The following DCC variants were observed in gnomAD, a reference collection of about 807,000 sequenced individuals.
The protein encoded by DCC is netrin receptor DCC.
DCC carries 58 observed loss-of-function variants against 172.5 expected under a neutral mutation model. The ratio of observed to expected loss-of-function variants is 0.34; its 90% confidence interval spans 0.27 to 0.42. DCC has a LOEUF of 0.42. Ranked by LOEUF, DCC falls within the 10% of genes least tolerant of loss-of-function variation. The pLI, the probability that DCC is intolerant of heterozygous loss-of-function variation, is 1.00. For missense variants in DCC, 1,740 were observed against 1,791.0 expected (o/e 0.97, Z 0.51); for synonymous variants, 709 against 644.5 (o/e 1.10, Z -1.52).
At chr18:52,466,709 A>G (rs959375554) in intron 1 of DCC, among the ~76,000 whole-genome samples, 6 of 152,122 alleles carry the variant, frequency 3.9e-5, no homozygotes, top group African/African-American at 1.4e-4. Flanking sequence ...CTGAAATGAG[A>G]CTACATGTAA....
chr18:53,306,769 A>G (rs1325560474), intron 13 of DCC, among the ~76,000 whole-genome samples: 1 of 152,190 alleles, frequency 6.6e-6, no homozygotes, highest in Admixed American at 6.5e-5. Context: ...GGGCTTTTCA[A>G]ACCTAGGAAT....
intron 7 of DCC, among the ~76,000 whole-genome samples, chr18:53,084,326 A>G (rs1215868773): frequency 1.3e-5 from 2 of 152,212 alleles, no homozygotes; most frequent in African/African-American, 4.8e-5. Flanking sequence ...TAAATTGATG[A>G]TGGCTCTGTC....
At chr18:53,075,592 A>G (rs2042715259) in intron 7 of DCC, among the ~76,000 whole-genome samples, 4 of 151,646 alleles carry the variant, frequency 2.6e-5, no homozygotes, top group African/African-American at 7.3e-5. Context: ...GCGGAAGAGA[A>G]GAATGCTGGT....
chr18:52,995,115 C>T (rs1240824079), intron 5 of DCC, among the ~76,000 whole-genome samples: 1 of 152,000 alleles, frequency 6.6e-6, no homozygotes, highest in African/African-American at 2.4e-5. Context: ...AAAGTGGTGC[C>T]TAAATTAACA....
intron 2 of DCC, among the ~76,000 whole-genome samples, chr18:52,853,784 T>A (rs912240425): frequency 4.6e-5 from 7 of 152,192 alleles, no homozygotes; most frequent in African/African-American, 1.7e-4. Context: ...AGGGTAGAGA[T>A]AACCCAACAT....
chr18:53,288,024 G>A (rs932558888), intron 12 of DCC, among the ~76,000 whole-genome samples: 2 of 151,962 alleles, frequency 1.3e-5, no homozygotes, highest in Non-Finnish European at 2.9e-5. Flanking sequence ...TTGCAATACC[G>A]TCATGTAAAC....
chr18:52,961,016 T>C (rs917436880), intron 5 of DCC, among the ~76,000 whole-genome samples: 4 of 152,168 alleles, frequency 2.6e-5, no homozygotes, highest in Non-Finnish European at 5.9e-5. Context: ...CACATGCTTA[T>C]GTTAATTGAG....
intron 7 of DCC, among the ~76,000 whole-genome samples, chr18:53,132,358 C>T (rs1030070838): frequency 3.3e-5 from 5 of 152,000 alleles, no homozygotes; most frequent in African/African-American, 1.2e-4. Flanking sequence ...GATGAGTCGA[C>T]CTGAGCTGCT....
At chr18:52,371,781 A>G (rs537509777) in intron 1 of DCC, among the ~76,000 whole-genome samples, 5 of 152,338 alleles carry the variant, frequency 3.3e-5, no homozygotes, top group South Asian at 2.1e-4. Context: ...TCATAGCATT[A>G]TATTTTGGAC....
intron 1 of DCC, among the ~76,000 whole-genome samples, chr18:52,739,115 CT>C (rs140218985): frequency 0.023 from 3,537 of 152,174 alleles, 127 homozygotes; most frequent in African/African-American, 0.08. Context: ...ATTACAATGG[CT>C]GTGATGTCAC....
intron 25 of DCC, among the ~76,000 whole-genome samples, chr18:53,473,997 C>A (rs1329201689): frequency 6.7e-6 from 1 of 150,326 alleles, no homozygotes; most frequent in Non-Finnish European, 1.5e-5. Flanking sequence ...TGAATGGAAC[C>A]CATAAAATTA....
intron 1 of DCC, among the ~76,000 whole-genome samples, chr18:52,529,098 C>G (rs1385576158): frequency 6.6e-6 from 1 of 152,154 alleles, no homozygotes; most frequent in Non-Finnish European, 1.5e-5. Flanking sequence ...TTCCAGTACT[C>G]ATCTTTGTAC....
At chr18:52,525,886 T>G (rs1386320620) in intron 1 of DCC, among the ~76,000 whole-genome samples, 1 of 152,232 alleles carries the variant, frequency 6.6e-6, no homozygotes, top group Non-Finnish European at 1.5e-5. Context: ...TTATGTTATC[T>G]TTGTTAGCCT....
chr18:52,745,151 G>A (rs2036886852), intron 1 of DCC, among the ~76,000 whole-genome samples: 2 of 152,150 alleles, frequency 1.3e-5, no homozygotes, highest in Non-Finnish European at 2.9e-5. Context: ...GCCTTTCAAA[G>A]AGAAATATAT....
At position 53,428,544 on chromosome 18, in the gene DCC, AT is replaced by A. The variant is rs1167333287; in HGVS notation, c.3164-6599del. 2.1e-4 allele frequency among the ~76,000 whole-genome samples: 8 copies of A among 37,238 alleles called. 1 individual carries two copies. Among genetic ancestry groups the A allele is most frequent in the African/African-American group, 7.3e-4 (8 of 10,894 alleles). The allele number at this position is 37,238 out of a possible 152,430, so 24.4% of individuals were successfully genotyped here. A position where few individuals can be genotyped will look rare whatever the true frequency, so the allele number is the denominator to read the frequency against. On this transcript the variant is annotated intron_variant, in intron 21 of 28. Coordinates refer to ENST00000442544, the MANE Select transcript of DCC (RefSeq NM_005215.4). ...TTATATATTTATGTATTTTATATAT[AT>A]ATAAATATATTTATATATATATTTA...
intron 4 of DCC, among the ~76,000 whole-genome samples, chr18:52,924,720 G>T (rs760520942): frequency 6.6e-6 from 1 of 151,842 alleles, no homozygotes; most frequent in East Asian, 1.9e-4. Context: ...TAACAACAAG[G>T]CATGGCATAT....
At chr18:52,753,124 C>A (rs1307055266) in intron 2 of DCC, among the ~76,000 whole-genome samples, 1 of 151,930 alleles carries the variant, frequency 6.6e-6, no homozygotes, top group East Asian at 1.9e-4. Context: ...ATTTCAATTC[C>A]TTTGGATATA....
At position 52,727,154 on chromosome 18, in the gene DCC, A is replaced by C. The variant is rs369395705; in HGVS notation, c.92-24900A>C. 2.0e-5 allele frequency among the ~76,000 whole-genome samples: 3 copies of C among 152,230 alleles called. No homozygotes were observed. In the East Asian group the frequency reaches 5.8e-4, roughly 29 times the overall value. The stretch of plus-strand genomic sequence containing the variant: ...TCAATAGAAAGCTATAAGAAATGGA[A>C]ATCCAAAGTGATTGGTTATGGAAAT... On this transcript the variant is annotated intron_variant, in intron 1 of 28. Transcript: ENST00000442544.
Position 52,340,687 on chromosome 18 carries a change from G to T in DCC, c.-101G>T, listed in dbSNP as rs1207803297. On this transcript the variant is annotated 5_prime_UTR_variant, in exon 1 of 29. Coordinates refer to ENST00000442544, the MANE Select transcript of DCC (RefSeq NM_005215.4). ...CGAGGAGGAGGAGGAAGCCGAAGGG[G>T]CTCGGCGCGTGTGTGTGCATGTGTG... 2.3e-6 allele frequency: 2 copies of T among 862,000 alleles called. No homozygotes were observed. Among genetic ancestry groups the T allele is most frequent in the Non-Finnish European group, 4.0e-6 (2 of 495,918 alleles). 53.4% of individuals were successfully genotyped at this position (862,000 alleles called of 1,614,324 possible).
Sources: gnomAD v4.1 joint callset for allele counts (sites outside exome capture counted in the v4.1 genomes callset) on GRCh38, gnomAD v4.1.1 for gene constraint, MANE v1.5 for transcripts, NCBI Gene and HGNC (gene_info 2026-07-23, HGNC 2026-07-21) for gene names.